The following SORCS2 variants were observed in gnomAD, a reference collection of about 807,000 sequenced individuals.
SORCS2 encodes sortilin related VPS10 domain containing receptor 2.
In SORCS2, 100 loss-of-function variants were observed where a neutral mutation model predicts 141.6. The ratio of observed to expected loss-of-function variants is 0.71; its 90% CI spans 0.60 to 0.83. SORCS2 has a LOEUF of 0.83. Among genes scored for constraint, SORCS2 ranks in the 40% least tolerant of loss-of-function variants. SORCS2 has a pLI of 0.00. For synonymous variants in SORCS2, 789 were observed against 676.9 expected, an observed-to-expected ratio of 1.17 and a Z score of -2.57; for missense variants, 1,646 against 1,560.2, an observed-to-expected ratio of 1.05 and a Z score of -0.93.
At chr4:7,536,212 G>A (rs1464865792) in intron 3 of SORCS2, among the ~76,000 whole-genome samples, 1 of 152,226 alleles carries the variant, frequency 6.6e-6, no homozygotes, top group Non-Finnish European at 1.5e-5. Context: ...CTGTAGGCAA[G>A]TTCCTAATCT....
chr4:7,656,472 C>T (rs1721785933), intron 5 of SORCS2, among the ~76,000 whole-genome samples: 1 of 152,262 alleles, frequency 6.6e-6, no homozygotes. Context: ...CCTCATGTCA[C>T]AGGGAAGAAC....
chr4:7,740,865 C>G lies in SORCS2; in HGVS notation c.*601C>G, dbSNP rs980282009. 5.1e-6 allele frequency: 2 copies of G among 392,478 alleles called. No homozygotes were observed. Among genetic ancestry groups the G allele is most frequent in the African/African-American group, 4.1e-5 (2 of 48,446 alleles). The allele number at this position is 392,478 out of a possible 1,614,324, so 24.3% of individuals were successfully genotyped here. ...TGCTGGCGGTGGTGGGGGTGTCTCA[C>G]TCTCTGTCTTTATAGCCGGCGGTAG... On this transcript the variant is annotated 3_prime_UTR_variant, in exon 27 of 27. Transcript: ENST00000507866.
intron 2 of SORCS2, chr4:7,434,665 G>A: frequency 6.2e-7 from 1 of 1,612,844 alleles, no homozygotes; most frequent in African/African-American, 1.3e-5. Flanking sequence ...GCCAGCGGCG[G>A]CTGCTATGTC....
intron 2 of SORCS2, among the ~76,000 whole-genome samples, chr4:7,514,204 C>A (rs1219312464): frequency 6.6e-6 from 1 of 152,116 alleles, no homozygotes; most frequent in South Asian, 2.1e-4. Flanking sequence ...ACAGCTATGG[C>A]CACCTGACTT....
At chr4:7,330,824 C>T (rs1719609762) in intron 1 of SORCS2, among the ~76,000 whole-genome samples, 2 of 151,858 alleles carry the variant, frequency 1.3e-5, no homozygotes, top group Non-Finnish European at 2.9e-5. Context: ...TAGGGTGCCC[C>T]CTAGGCACAC....
chr4:7,237,202 C>T (rs1181006834), intron 1 of SORCS2, among the ~76,000 whole-genome samples: 1 of 152,182 alleles, frequency 6.6e-6, no homozygotes, highest in Non-Finnish European at 1.5e-5. Flanking sequence ...TTAGTAAATC[C>T]AACTTTAACA....
chr4:7,357,700 A>T (rs548182009), intron 1 of SORCS2, among the ~76,000 whole-genome samples: 1 of 152,060 alleles, frequency 6.6e-6, no homozygotes, highest in South Asian at 2.1e-4. Flanking sequence ...TTGAGAGGAG[A>T]GATTTCATTT....
chr4:7,676,025 C>T, intron 8 of SORCS2, 25 bp from the exon 9 acceptor site: 3 of 1,560,910 alleles, frequency 1.9e-6, no homozygotes, highest in Non-Finnish European at 2.6e-6. Context: ...GGCTCTGACC[C>T]TGTGCTCCCT....
chr4:7,412,287 T>G (rs73796555), intron 2 of SORCS2, among the ~76,000 whole-genome samples: 1 of 152,020 alleles, frequency 6.6e-6, no homozygotes, highest in African/African-American at 2.4e-5. Flanking sequence ...CCCCCTGGAG[T>G]TAGTTCTCAG....
chr4:7,392,385 C>T (rs950718740), intron 1 of SORCS2, among the ~76,000 whole-genome samples: 1 of 152,146 alleles, frequency 6.6e-6, no homozygotes, highest in South Asian at 2.1e-4. Context: ...TGGGACTGGG[C>T]CTGAAGGACA....
chr4:7,265,752 A>G (rs917119198), intron 1 of SORCS2, among the ~76,000 whole-genome samples: 3 of 152,150 alleles, frequency 2.0e-5, no homozygotes, highest in African/African-American at 7.2e-5. Flanking sequence ...ACATCTGCAA[A>G]GACCCCTTTT....
chr4:7,347,500 A>G (rs1199127796), intron 1 of SORCS2, among the ~76,000 whole-genome samples: 1 of 152,214 alleles, frequency 6.6e-6, no homozygotes, highest in Non-Finnish European at 1.5e-5. Context: ...GGACTCCCAT[A>G]GCTCCTTGCA....
At chr4:7,375,773 C>A in intron 1 of SORCS2, among the ~76,000 whole-genome samples, 1 of 152,320 alleles carries the variant, frequency 6.6e-6, no homozygotes, top group Middle Eastern at 3.4e-3. Flanking sequence ...TATTGGCTGC[C>A]GGCACTGTGT....
At chr4:7,576,346 C>G (rs1380067604) in intron 3 of SORCS2, among the ~76,000 whole-genome samples, 1 of 152,220 alleles carries the variant, frequency 6.6e-6, no homozygotes, top group Admixed American at 6.5e-5. Context: ...TTCCAGCAAT[C>G]ACTTTTAGAA....
chr4:7,396,775 A>G (rs1408743614), intron 2 of SORCS2, among the ~76,000 whole-genome samples: 1 of 152,194 alleles, frequency 6.6e-6, no homozygotes, highest in African/African-American at 2.4e-5. Flanking sequence ...TCTTTCTTCC[A>G]GGCTTAGCCA....
intron 25 of SORCS2, among the ~76,000 whole-genome samples, chr4:7,735,837 C>T (rs1393402383): frequency 2.0e-5 from 3 of 152,222 alleles, no homozygotes; most frequent in African/African-American, 7.2e-5. Context: ...GCTCCCCCTC[C>T]AGCCTATATC....
intron 2 of SORCS2, among the ~76,000 whole-genome samples, chr4:7,508,144 C>T (rs1235337696): frequency 6.9e-6 from 1 of 145,488 alleles, no homozygotes; most frequent in Non-Finnish European, 1.5e-5. Flanking sequence ...GTGGGAGAAG[C>T]TTTGTGGTAA....
chr4:7,414,722 C>T (rs1193673751), intron 2 of SORCS2, among the ~76,000 whole-genome samples: 3 of 152,170 alleles, frequency 2.0e-5, no homozygotes, highest in Admixed American at 6.5e-5. Flanking sequence ...AGAAGAGCAA[C>T]GGTACCAGGT....
At position 7,323,276 on chromosome 4, in the gene SORCS2, G is replaced by A. The variant is rs184995994; in HGVS notation, c.481-73012G>A. ...TGAGGAGCATCCTAGCAGCCAAAGT[G>A]AAAAGGAGAACTGGATTGGTTACAG... On this transcript the variant is annotated intron_variant, in intron 1 of 26. Transcript: ENST00000507866. 6.0e-4 allele frequency among the ~76,000 whole-genome samples: 92 copies of A among 152,306 alleles called. 1 individual carries two copies. The highest frequency in any genetic ancestry group is 3.4e-3 in the Middle Eastern group (1 of 294).
Sources: gnomAD v4.1 joint callset for allele counts (sites outside exome capture counted in the v4.1 genomes callset) on GRCh38, gnomAD v4.1.1 for gene constraint, MANE v1.5 for transcripts, NCBI Gene and HGNC (gene_info 2026-07-23, HGNC 2026-07-21) for gene names.